The following DNAI3 variants were observed in gnomAD, a reference collection of about 807,000 sequenced individuals.
The protein encoded by DNAI3 is WD repeat domain 63.
In DNAI3, 83 loss-of-function variants were observed where a neutral mutation model predicts 115.5. The observed-to-expected ratio is 0.72, with a 90% CI of 0.60 to 0.86. The LOEUF (loss-of-function observed/expected upper bound fraction) is 0.86, where lower values mean the gene tolerates loss of function less well. Ranked by LOEUF, DNAI3 falls within the 40% of genes least tolerant of loss-of-function variation. The pLI is 0.00. For missense variants in DNAI3, 1,004 were observed against 1,075.8 expected (o/e 0.93, Z 0.93); for synonymous variants, 320 against 347.0 (o/e 0.92, Z 0.86).
In DNAI3 at chr1:85,084,250, G is replaced by GTATATATATA. The variant is rs33956396; in HGVS notation, c.391-277_391-268dup. On this transcript the variant is annotated intron_variant, in intron 5 of 22. Transcript: ENST00000294664. The stretch of plus-strand genomic sequence containing the variant: ...ATGTGTATATATATATCAGCAGTGT[G>GTATATATATA]TATATATATATATATATATATATAT... Among the ~76,000 whole-genome samples the GTATATATATA allele has an allele frequency of 7.4e-3, 630 of 84,966 alleles. 2 individuals are homozygous for GTATATATATA. The highest frequency in any genetic ancestry group is 0.012 in the Middle Eastern group (1 of 84). The allele number at this position is 84,966 out of a possible 152,430, so 55.7% of individuals were successfully genotyped here.
intron 7 of DNAI3, among the ~76,000 whole-genome samples, chr1:85,086,785 T>C (rs1406784157): frequency 6.6e-6 from 1 of 152,036 alleles, no homozygotes; most frequent in African/African-American, 2.4e-5. Flanking sequence ...GTGGGCTTCC[T>C]CTAGCCATCC....
At chr1:85,088,917 C>G (rs1278166000) in intron 7 of DNAI3, among the ~76,000 whole-genome samples, 1 of 151,738 alleles carries the variant, frequency 6.6e-6, no homozygotes. Flanking sequence ...TCTCTGGTTC[C>G]AATACTAATA....
In DNAI3 at chr1:85,094,516, G is replaced by C; in HGVS notation, c.1134G>C (p.Leu378=). The change falls in exon 10 of 23, where the codon CTG becomes CTC. Residue 378 remains leucine, a synonymous_variant. Transcript: ENST00000294664. Reference sequence around the variant, plus strand: ...GTAAATTATTGCTGCAGCCATCACTGATTCTTTTCTGGAGCTTCTCTGATC... The same window carrying C: ...GTAAATTATTGCTGCAGCCATCACTCATTCTTTTCTGGAGCTTCTCTGATC... ...FSGKLLLQPS[L]ILFWSFSDPI... 1 of 1,614,162 alleles carries C rather than the reference G, an allele frequency of 6.2e-7. No individual in the cohort carries two copies. Among genetic ancestry groups the C allele is most frequent in the Non-Finnish European group, 8.5e-7 (1 of 1,180,022 alleles).
intron 1 of DNAI3, among the ~76,000 whole-genome samples, chr1:85,068,651 G>C (rs1267320306): frequency 6.6e-6 from 1 of 152,150 alleles, no homozygotes. Context: ...ACCTCATTCA[G>C]AGTGAAAGCC....
chr1:85,127,375 G>T (rs1307051242), intron 20 of DNAI3, among the ~76,000 whole-genome samples: 1 of 152,062 alleles, frequency 6.6e-6, no homozygotes, highest in South Asian at 2.1e-4. Context: ...CGCCCAAGTA[G>T]TAATTTCTAT....
Position 85,117,853 on chromosome 1 carries a change from A to G in DNAI3, c.1911A>G (p.Gly637=), listed in dbSNP as rs1321338157. 1.2e-6 allele frequency: 2 copies of G among 1,612,036 alleles called. No individual in the cohort carries two copies. The highest frequency in any genetic ancestry group is 1.7e-6 in the Non-Finnish European group (2 of 1,178,754). Residue 637 remains glycine (G), a synonymous_variant, in exon 17 of 23, where the codon GGA becomes GGG. Coordinates refer to ENST00000294664, the MANE Select transcript of DNAI3 (RefSeq NM_145172.5). The part of the protein sequence containing the change: ...IDDFCTKFFV[G]TEEGEVIYTD... ...ACTTCTGCACAAAGTTCTTTGTGGG[A>G]ACAGAGGTAAATTGGGATTATCTGC...
In DNAI3 at chr1:85,104,598, G is replaced by GT; in HGVS notation, c.1553+2dup. 6 of 1,613,314 alleles carry GT rather than the reference G, an allele frequency of 3.7e-6. No homozygotes were observed. The highest frequency in any genetic ancestry group is 5.1e-6 in the Non-Finnish European group (6 of 1,179,456). On this transcript the variant is annotated splice_donor_variant, in intron 14 of 22. Coordinates refer to ENST00000294664, the MANE Select transcript of DNAI3 (RefSeq NM_145172.5). LOFTEE classifies it high-confidence loss of function. ...AACTTGTCACATGTTCAGCAGATTGGTAAGTCTTGTTTCAAACATTTCCTA... is the reference window on the plus strand; with the variant it reads ...AACTTGTCACATGTTCAGCAGATTGGTTAAGTCTTGTTTCAAACATTTCCTA...
At chr1:85,131,444 C>CAAAAAAA (rs750127280) in intron 22 of DNAI3, among the ~76,000 whole-genome samples, 1 of 16,854 alleles carries the variant, frequency 5.9e-5, no homozygotes, top group African/African-American at 1.8e-4. Context: ...AACTCCATCT[C>CAAAAAAA]AAAAAAAAAA....
chr1:85,130,694 T>C (rs1656293230), intron 22 of DNAI3, among the ~76,000 whole-genome samples: 1 of 149,952 alleles, frequency 6.7e-6, no homozygotes, highest in East Asian at 2.0e-4. Context: ...GATAGATAGA[T>C]AGATAGATAG....
At chr1:85,071,419 G>A (rs1440727973) in intron 1 of DNAI3, among the ~76,000 whole-genome samples, 1 of 152,180 alleles carries the variant, frequency 6.6e-6, no homozygotes, top group Non-Finnish European at 1.5e-5. Context: ...GCCAAATAAG[G>A]CCTTAGTGGT....
At chr1:85,083,802 A>T (rs1461452457) in intron 5 of DNAI3, among the ~76,000 whole-genome samples, 2 of 152,000 alleles carry the variant, frequency 1.3e-5, no homozygotes, top group African/African-American at 2.4e-5. Flanking sequence ...ACTCCTCCCT[A>T]TAAGGAACCA....
rs117607288 is a variant in DNAI3 at position 85,073,695 on chromosome 1, T to C, written c.103+603T>C. On this transcript the variant is annotated intron_variant, in intron 3 of 22. Coordinates refer to ENST00000294664, the MANE Select transcript of DNAI3 (RefSeq NM_145172.5). ...AAAGCCCTGTAGGCCACTGTAAAGA[T>C]TTTGTCTTTTAATCGTATGGAATGA... Among the ~76,000 whole-genome samples, 377 of 152,234 alleles carry C rather than the reference T, an allele frequency of 2.5e-3. 10 individuals are homozygous for C. In the East Asian group the frequency reaches 0.053, roughly 21 times the overall value.
intron 19 of DNAI3, 29 bp from the exon 20 acceptor site, chr1:85,126,479 CTTT>C (rs1656140937): frequency 6.3e-7 from 1 of 1,583,984 alleles, no homozygotes; most frequent in South Asian, 1.2e-5. Context: ...ACAAAATCTT[CTTT>C]ATTTGTCTTT....
chr1:85,115,262 C>T (rs999024387), intron 16 of DNAI3, among the ~76,000 whole-genome samples: 4 of 152,170 alleles, frequency 2.6e-5, no homozygotes, highest in African/African-American at 9.7e-5. Flanking sequence ...GAGTTATACA[C>T]GAAGCTCTCA....
chr1:85,072,812 G>A (rs1242928563), intron 2 of DNAI3, among the ~76,000 whole-genome samples: 3 of 151,118 alleles, frequency 2.0e-5, no homozygotes, highest in Admixed American at 1.3e-4. Flanking sequence ...AAAATTAGCC[G>A]GGTGTGGTGG....
At chr1:85,130,155 C>A in intron 22 of DNAI3, 43 bp downstream of exon 22, 1 of 1,609,544 alleles carries the variant, frequency 6.2e-7, no homozygotes, top group Non-Finnish European at 8.5e-7. Flanking sequence ...CCTCGAACAC[C>A]AGTGGAAATA....
At chr1:85,066,314 C>CATTTTTTTTTTTTTTTTTTTTT (rs1553164760) in intron 1 of DNAI3, among the ~76,000 whole-genome samples, 5 of 70,014 alleles carry the variant, frequency 7.1e-5, no homozygotes, top group Non-Finnish European at 7.6e-5. Context: ...TTCTGCTACT[C>CATTTTTTTTTTTTTTTTTTTTT]TTTTTTTTTT....
chr1:85,080,224 T>G (rs963163914), intron 3 of DNAI3, among the ~76,000 whole-genome samples: 1 of 151,812 alleles, frequency 6.6e-6, no homozygotes, highest in Non-Finnish European at 1.5e-5. Flanking sequence ...GCTAATTTTT[T>G]GTATTTTTAG....
chr1:85,076,433 T>C (rs1009352855), intron 3 of DNAI3, among the ~76,000 whole-genome samples: 7 of 152,184 alleles, frequency 4.6e-5, no homozygotes, highest in African/African-American at 1.4e-4. Flanking sequence ...TTATGTAAGG[T>C]AACAATACAG....
Sources: gnomAD v4.1 joint callset for allele counts (sites outside exome capture counted in the v4.1 genomes callset) on GRCh38, gnomAD v4.1.1 for gene constraint, MANE v1.5 for transcripts, NCBI Gene and HGNC (gene_info 2026-07-23, HGNC 2026-07-21) for gene names.